Variants in PMS2 observed in about 807,000 individuals in gnomAD.
PMS2 encodes the protein mismatch repair endonuclease PMS2.
A neutral mutation model predicts 90.0 loss-of-function variants in PMS2; 69 were observed. The ratio of observed to expected loss-of-function variants is 0.77; its 90% CI spans 0.63 to 0.94. The LOEUF is 0.94. PMS2 is among the 40% of genes least tolerant of loss of function. The pLI is 0.00. For synonymous variants in PMS2, 332 were observed against 375.1 expected, an observed-to-expected ratio of 0.89 and a Z score of 1.33; for missense variants, 966 against 1,040.2, an observed-to-expected ratio of 0.93 and a Z score of 0.98.
In PMS2 at chr7:5,999,138, T is replaced by G. The variant is rs876661233; in HGVS notation, c.675A>C (p.Glu225Asp). Residue 225 changes from glutamate (E) to aspartate (D), a missense_variant, in exon 6 of 15, where the codon GAA becomes GAC. Physicochemically the swap from Glu to Asp is conservative, Grantham distance 45. Around this residue, in one of 2 missense-constraint regions of PMS2, gnomAD observed 871 missense variants for 802.4 expected, o/e 1.09. Coordinates refer to ENST00000265849, the MANE Select transcript of PMS2 (RefSeq NM_000535.7). Reference protein sequence around the residue: ...VCTGGSPSIKENIGSVFGQKQ... With the variant: ...VCTGGSPSIKDNIGSVFGQKQ... ...TCTGCCCAAACACAGAGCCGATATT[T>G]TCCTTTATGCTGGGGCTTCCACCTG... is the stretch of plus-strand genomic sequence containing the variant. The G allele has an allele frequency of 1.9e-6, 3 of 1,614,038 alleles. No homozygotes were observed. The African/African-American group carries it at 4.0e-5, about 22-fold the overall frequency.
intron 12 of PMS2, among the ~76,000 whole-genome samples, chr7:5,982,542 G>A (rs1782399103): frequency 1.3e-5 from 2 of 151,920 alleles, no homozygotes; most frequent in Non-Finnish European, 2.9e-5. Flanking sequence ...TCACCACGTT[G>A]GCCAGGCTGG....
At chr7:5,991,045 A>G (rs1355766534) in intron 9 of PMS2, among the ~76,000 whole-genome samples, 1 of 152,178 alleles carries the variant, frequency 6.6e-6, no homozygotes, top group Non-Finnish European at 1.5e-5. Flanking sequence ...GATGCAGATA[A>G]TGATTTAATT....
At chr7:6,004,099 C>T (rs2128831271) in intron 2 of PMS2, 41 bp from the exon 3 acceptor site, 1 of 1,080,900 alleles carries the variant, frequency 9.3e-7, no homozygotes, top group South Asian at 1.3e-5. Context: ...TAAAAACGGA[C>T]CCATGCTATC....
chr7:5,991,530 C>T (rs1011757417), intron 9 of PMS2, among the ~76,000 whole-genome samples: 1 of 148,250 alleles, frequency 6.7e-6, no homozygotes, highest in African/African-American at 2.5e-5. Context: ...AAAGCGGGAA[C>T]TCTGTTTAAA....
At chr7:6,003,266 C>T (rs1415056774) in intron 4 of PMS2, 1 of 148,470 alleles carries the variant, frequency 6.7e-6, no homozygotes, top group Non-Finnish European at 1.5e-5. Flanking sequence ...TGCACTCCAG[C>T]CTGGGTGACA....
At chr7:6,004,696 C>CA (rs1166524085) in intron 2 of PMS2, among the ~76,000 whole-genome samples, 20 of 120,980 alleles carry the variant, frequency 1.7e-4, no homozygotes, top group Middle Eastern at 5.6e-3. Flanking sequence ...GCCTGGGCAA[C>CA]AAGAGCAAAA....
intron 6 of PMS2, among the ~76,000 whole-genome samples, chr7:5,998,714 G>T (rs948189013): frequency 6.7e-6 from 1 of 148,694 alleles, no homozygotes; most frequent in Non-Finnish European, 1.5e-5. Context: ...AAAACCGGCC[G>T]GGCTTGGTGG....
intron 8 of PMS2, among the ~76,000 whole-genome samples, chr7:5,993,862 CAAAAAAAAAA>C (rs61677497): frequency 1.5e-4 from 6 of 38,940 alleles, no homozygotes; most frequent in South Asian, 1.7e-3. Flanking sequence ...GACTCTGTCT[CAAAAAAAAAA>C]AAAAAAAAAA....
At chr7:5,984,048 CCAATTT>C (rs960246707) in intron 11 of PMS2, among the ~76,000 whole-genome samples, 8 of 151,860 alleles carry the variant, frequency 5.3e-5, no homozygotes, top group Admixed American at 1.3e-4. Context: ...TCAGTTGTTT[CCAATTT>C]CAATAGCGCA....
chr7:5,992,048 G>C lies in PMS2; in HGVS notation c.913C>G (p.Leu305Val), dbSNP rs750420143. ...TACATGTGGTAGACCTCATTCACGA[G>C]TCTGCAGACCTGCACAAAATACAAG... is the stretch of plus-strand genomic sequence containing the variant. The part of the protein sequence containing the change: ...RPCDPAKVCR[L>V]VNEVYHMYNR... The change falls in exon 9 of 15, where the codon CTC becomes GTC. Residue 305 changes from leucine (L) to valine (V), a missense_variant. Physicochemically the swap from Leu to Val is conservative, Grantham distance 32 (BLOSUM62 1). Coordinates refer to ENST00000265849, the MANE Select transcript of PMS2 (RefSeq NM_000535.7). 15 of 1,567,614 alleles carry C rather than the reference G, an allele frequency of 9.6e-6. No homozygotes were observed. The highest frequency in any genetic ancestry group is 1.2e-5 in the Non-Finnish European group (14 of 1,137,988).
chr7:5,981,490 C>A (rs1208640780), intron 12 of PMS2, among the ~76,000 whole-genome samples: 2 of 149,844 alleles, frequency 1.3e-5, no homozygotes, highest in Non-Finnish European at 3.0e-5. Flanking sequence ...GAGGGATCTG[C>A]CTGCCTCAGC....
intron 11 of PMS2, among the ~76,000 whole-genome samples, chr7:5,986,236 C>T (rs1483859866): frequency 5.3e-5 from 8 of 150,086 alleles, no homozygotes; most frequent in African/African-American, 1.5e-4. Flanking sequence ...TGCGCACTAC[C>T]GCGCCCAGCC....
At chr7:6,002,085 A>T (rs1474005744) in intron 5 of PMS2, 1 of 244,050 alleles carries the variant, frequency 4.1e-6, no homozygotes, top group African/African-American at 2.3e-5. Flanking sequence ...TCTTAAGTGC[A>T]GTGGCGCAAT....
intron 12 of PMS2, among the ~76,000 whole-genome samples, chr7:5,979,334 T>A: frequency 7.1e-6 from 1 of 140,756 alleles, no homozygotes; most frequent in African/African-American, 2.7e-5. Context: ...GAGGTTGCAG[T>A]GAGCCAAGAT....
chr7:5,989,774 C>T (rs1420342171), intron 10 of PMS2, 26 bp downstream of exon 10: 3 of 1,585,792 alleles, frequency 1.9e-6, no homozygotes, highest in East Asian at 4.5e-5. Context: ...GCTTTAGAAG[C>T]TGTTTGTACA....
chr7:5,986,739 G>C lies in PMS2; in HGVS notation c.2006+20C>G, dbSNP rs1554297036. 3 of 1,532,850 alleles carry C rather than the reference G, an allele frequency of 2.0e-6. No homozygotes were observed. Among genetic ancestry groups the C allele is most frequent in the Non-Finnish European group, 2.6e-6 (3 of 1,137,454 alleles). 95.0% of individuals were successfully genotyped at this position (1,532,850 alleles called of 1,614,324 possible). On this transcript the variant is annotated intron_variant, in intron 11 of 14. Coordinates refer to ENST00000265849, the MANE Select transcript of PMS2 (RefSeq NM_000535.7). ...AAAATTTTAGATAAAAAGAGAAAAAGTAAAAAATTAAAACTTTACCTTATC... is the reference window on the plus strand; with the variant it reads ...AAAATTTTAGATAAAAAGAGAAAAACTAAAAAATTAAAACTTTACCTTATC...
chr7:5,992,907 T>C (rs1377260184), intron 8 of PMS2, among the ~76,000 whole-genome samples: 7 of 152,218 alleles, frequency 4.6e-5, no homozygotes, highest in Non-Finnish European at 1.0e-4. Flanking sequence ...ATAAAACATA[T>C]TCAATGTACA....
Position 5,995,566 on chromosome 7 carries a change from A to G in PMS2, c.871T>C (p.Phe291Leu). ...GRSSTDRQFFFINRRPCDPAK... is the reference protein window; with the variant it reads ...GRSSTDRQFFLINRRPCDPAK... Reference sequence around the variant, plus strand: ...GGGTCACAAGGCCGCCGGTTGATAAAGAAAAACTGTCTGTCTGTTGAACTC... The same window carrying G: ...GGGTCACAAGGCCGCCGGTTGATAAGGAAAAACTGTCTGTCTGTTGAACTC... The change falls in exon 8 of 15, where the codon TTT (phenylalanine) becomes CTT (leucine). Residue 291 changes from phenylalanine to leucine, a missense_variant. By Grantham distance (22) the Phe-to-Leu change is conservative (BLOSUM62 0). Coordinates refer to ENST00000265849, the MANE Select transcript of PMS2 (RefSeq NM_000535.7). The G allele has an allele frequency of 6.2e-7, 1 of 1,614,084 alleles. No homozygotes were observed. Among genetic ancestry groups the G allele is most frequent in the Non-Finnish European group, 8.5e-7 (1 of 1,179,920 alleles).
At chr7:5,976,180 G>A (rs1475004967) in intron 14 of PMS2, among the ~76,000 whole-genome samples, 1 of 141,330 alleles carries the variant, frequency 7.1e-6, no homozygotes, top group Non-Finnish European at 1.6e-5. Context: ...AGGTTGCAGT[G>A]AGCTGAGATC....
Sources: allele counts gnomAD v4.1 joint callset (sites outside exome capture counted in the v4.1 genomes callset), GRCh38; gene constraint gnomAD v4.1.1; regional missense constraint gnomAD v4.1.1; transcripts MANE v1.5; gene names NCBI Gene and HGNC (gene_info 2026-07-23, HGNC 2026-07-21).